Variants in ARHGEF3 observed in about 807,000 individuals in gnomAD.
ARHGEF3 encodes Rho guanine nucleotide exchange factor 3.
ARHGEF3 carries 28 observed loss-of-function variants against 63.2 expected under a neutral mutation model. That is an observed-to-expected ratio of 0.44 (90% CI 0.33 to 0.61). ARHGEF3 has a LOEUF of 0.61. Among genes scored for constraint, ARHGEF3 ranks in the 20% least tolerant of loss-of-function variants. ARHGEF3 has a pLI of 0.03. For missense variants in ARHGEF3, 533 were observed against 659.3 expected (o/e 0.81, Z 2.10); for synonymous variants, 266 against 254.2 (o/e 1.05, Z -0.44).
At chr3:56,829,208 G>A (rs1016394144) in intron 4 of ARHGEF3, among the ~76,000 whole-genome samples, 1 of 152,154 alleles carries the variant, frequency 6.6e-6, no homozygotes. Flanking sequence ...TTACAGGCAT[G>A]AGCCACCACA....
chr3:56,920,256 C>A (rs940341793), intron 3 of ARHGEF3, among the ~76,000 whole-genome samples: 4 of 152,086 alleles, frequency 2.6e-5, no homozygotes, highest in Non-Finnish European at 5.9e-5. Flanking sequence ...AAAGATGAAC[C>A]CTGTTTTCCC....
intron 2 of ARHGEF3, among the ~76,000 whole-genome samples, chr3:56,996,721 C>A (rs918650264): frequency 6.6e-6 from 1 of 152,108 alleles, no homozygotes. Flanking sequence ...GACAGCAAGG[C>A]CCCGTATCTC....
chr3:56,825,773 C>T (rs1241106504), intron 4 of ARHGEF3, among the ~76,000 whole-genome samples: 16 of 152,172 alleles, frequency 1.1e-4, no homozygotes, highest in Admixed American at 1.0e-3. Flanking sequence ...TACTGCGGTG[C>T]ATTCTGGGGC....
intron 1 of ARHGEF3, among the ~76,000 whole-genome samples, chr3:57,058,023 T>G (rs895347401): frequency 3.3e-5 from 5 of 152,236 alleles, no homozygotes; most frequent in Non-Finnish European, 7.3e-5. Flanking sequence ...CTTTTCCTCA[T>G]ATTGACTGGG....
At chr3:56,861,817 T>C (rs2040081678) in intron 4 of ARHGEF3, among the ~76,000 whole-genome samples, 1 of 151,412 alleles carries the variant, frequency 6.6e-6, no homozygotes, top group South Asian at 2.1e-4. Context: ...CCTCAGACTC[T>C]TCCTCCTTTC....
intron 3 of ARHGEF3, among the ~76,000 whole-genome samples, chr3:56,895,839 T>A (rs756649563): frequency 1.3e-5 from 2 of 152,216 alleles, no homozygotes. Flanking sequence ...TCTTTCCTAC[T>A]GAGAGACAGG....
In ARHGEF3 at chr3:57,001,927, T is replaced by G. The variant is rs181045395; in HGVS notation, c.62+33161A>C. On this transcript the variant is annotated intron_variant, in intron 2 of 12. Coordinates refer to the ARHGEF3 transcript ENST00000338458. ...CCAAAGTGAGATAGTTTTTTTTTTT[T>G]TTGTTTTTTGTTTTGAGACGGAGTC... Among the ~76,000 whole-genome samples, 115 of 71,058 alleles carry G rather than the reference T, an allele frequency of 1.6e-3. 9 individuals carry two copies. The highest frequency in any genetic ancestry group is 1.7e-3 in the Non-Finnish European group (60 of 34,296). 46.6% of individuals were successfully genotyped at this position (71,058 alleles called of 152,430 possible).
chr3:57,049,486 A>T (rs1704587378), intron 1 of ARHGEF3, among the ~76,000 whole-genome samples: 1 of 152,146 alleles, frequency 6.6e-6, no homozygotes, highest in Non-Finnish European at 1.5e-5. Flanking sequence ...GAGATGTGAG[A>T]CCATACGGTT....
intron 2 of ARHGEF3, among the ~76,000 whole-genome samples, chr3:57,015,084 T>G (rs532565091): frequency 1.2e-4 from 19 of 152,156 alleles, no homozygotes; most frequent in Non-Finnish European, 2.4e-4. Flanking sequence ...GTTGGCAGAC[T>G]AGGGCCTGAG....
At chr3:56,921,209 A>AG (rs2108365858) in intron 3 of ARHGEF3, among the ~76,000 whole-genome samples, 1 of 120,132 alleles carries the variant, frequency 8.3e-6, no homozygotes, top group Non-Finnish European at 1.7e-5. Context: ...CCATAAAAAG[A>AG]AAAAAAAAAA....
Position 56,986,714 on chromosome 3 carries a change from C to T in ARHGEF3, c.63-27825G>A, listed in dbSNP as rs550747577. On this transcript the variant is annotated intron_variant, in intron 2 of 12. Coordinates refer to the ARHGEF3 transcript ENST00000338458. ...TCCAGATGGCTGGTCACCTCGAAGG[C>T]AGTTTCAGGGTAGTAGTGGGGGTAG... Among the ~76,000 whole-genome samples, 13 of 150,994 alleles carry T rather than the reference C, an allele frequency of 8.6e-5. No homozygotes were observed. In the Middle Eastern group the frequency reaches 0.014, roughly 158 times the overall value.
intron 2 of ARHGEF3, among the ~76,000 whole-genome samples, chr3:56,757,777 C>T (rs932422672): frequency 8.6e-5 from 13 of 151,112 alleles, no homozygotes; most frequent in African/African-American, 3.2e-4. Context: ...GGCTGGTGTG[C>T]AGTGGCGCAG....
At chr3:56,925,130 C>T (rs898474741) in intron 3 of ARHGEF3, among the ~76,000 whole-genome samples, 3 of 152,260 alleles carry the variant, frequency 2.0e-5, no homozygotes, top group Admixed American at 2.0e-4. Flanking sequence ...GCGGCAGGGC[C>T]GCTGCAGACC....
At chr3:56,730,413 A>G (rs13095559) in intron 9 of ARHGEF3, among the ~76,000 whole-genome samples, 28,753 of 147,126 alleles carry the variant, frequency 0.2, 2,994 homozygotes, top group South Asian at 0.4. Flanking sequence ...TTTTTGAGAC[A>G]GAGTCTTGCT....
rs142259123 is a variant in ARHGEF3 at position 56,738,052 on chromosome 3, T to C, written c.871-697A>G. Among the ~76,000 whole-genome samples, 94 of 151,970 alleles carry C rather than the reference T, an allele frequency of 6.2e-4. 1 individual carries two copies. Among genetic ancestry groups the C allele is most frequent in the African/African-American group, 2.2e-3 (93 of 41,438 alleles). On this transcript the variant is annotated intron_variant, in intron 7 of 9. Transcript: ENST00000296315. ...CCCAGCTAATTTTTGTATTTTTTGTTTGTTTGTTTTGAGACGGAGTCTCAC... is the reference window on the plus strand; with the variant it reads ...CCCAGCTAATTTTTGTATTTTTTGTCTGTTTGTTTTGAGACGGAGTCTCAC...
chr3:56,900,733 T>A (rs1046607446), intron 3 of ARHGEF3, among the ~76,000 whole-genome samples: 2 of 152,238 alleles, frequency 1.3e-5, no homozygotes, highest in Non-Finnish European at 2.9e-5. Flanking sequence ...GAAATCTGTT[T>A]TATGCTTTTA....
intron 4 of ARHGEF3, among the ~76,000 whole-genome samples, chr3:56,864,059 T>C (rs916763857): frequency 2.0e-5 from 3 of 152,114 alleles, no homozygotes; most frequent in East Asian, 1.9e-4. Context: ...GACACCACCA[T>C]CTCTCATCAG....
chr3:57,064,304 C>A (rs1705402530), intron 1 of ARHGEF3, among the ~76,000 whole-genome samples: 1 of 151,622 alleles, frequency 6.6e-6, no homozygotes, highest in Non-Finnish European at 1.5e-5. Context: ...GAAGGAAATT[C>A]TTTCTTTTTT....
chr3:56,751,267 A>C (rs1352634059), intron 5 of ARHGEF3, 33 bp downstream of exon 5: 2 of 1,582,502 alleles, frequency 1.3e-6, no homozygotes, highest in Non-Finnish European at 1.7e-6. Context: ...TTAAGGCTAC[A>C]AGTCACGACT....
Sources: gnomAD v4.1 joint callset for allele counts (sites outside exome capture counted in the v4.1 genomes callset) on GRCh38, gnomAD v4.1.1 for gene constraint, MANE v1.5 for transcripts, NCBI Gene and HGNC (gene_info 2026-07-23, HGNC 2026-07-21) for gene names.